The following DNAI3 variants were observed in gnomAD, a reference collection of about 807,000 sequenced individuals.
DNAI3 encodes WD repeat domain 63.
In DNAI3, 83 loss-of-function variants were observed where a neutral mutation model predicts 115.5. The observed-to-expected ratio is 0.72, with a 90% CI of 0.60 to 0.86. DNAI3 has a LOEUF of 0.86. DNAI3 is among the 40% of genes least tolerant of loss of function. The pLI, the probability that DNAI3 is intolerant of heterozygous loss-of-function variation, is 0.00. For missense variants in DNAI3, 1,004 were observed against 1,075.8 expected, an observed-to-expected ratio of 0.93 and a Z score of 0.93; for synonymous variants, 320 against 347.0, an observed-to-expected ratio of 0.92 and a Z score of 0.86.
At position 85,087,284 on chromosome 1, in the gene DNAI3, A is replaced by G. The variant is rs1654825306; in HGVS notation, c.740+1254A>G. On this transcript the variant is annotated intron_variant, in intron 7 of 22. Transcript: ENST00000294664. Reference sequence around the variant, plus strand: ...AACCCCGTCTTTACTAAAAATACGCAAATTAGCCAGGCGTGGTGACGTGTG... The same window carrying G: ...AACCCCGTCTTTACTAAAAATACGCGAATTAGCCAGGCGTGGTGACGTGTG... 2.0e-5 allele frequency among the ~76,000 whole-genome samples: 3 copies of G among 151,946 alleles called. No homozygotes were observed. The South Asian group carries it at 6.3e-4, about 32-fold the overall frequency.
chr1:85,074,796 A>G (rs928095693), intron 3 of DNAI3, among the ~76,000 whole-genome samples: 1 of 152,064 alleles, frequency 6.6e-6, no homozygotes, highest in Non-Finnish European at 1.5e-5. Flanking sequence ...TCAATACATA[A>G]CCTTGTTTTA....
chr1:85,100,729 T>G (rs1284469036), intron 13 of DNAI3, among the ~76,000 whole-genome samples: 1 of 152,102 alleles, frequency 6.6e-6, no homozygotes, highest in Non-Finnish European at 1.5e-5. Context: ...AACTCAAATG[T>G]CCAACAATGA....
chr1:85,068,981 G>A (rs939332949), intron 1 of DNAI3, among the ~76,000 whole-genome samples: 6 of 152,148 alleles, frequency 3.9e-5, no homozygotes, highest in East Asian at 1.9e-4. Context: ...CCTGGATCCC[G>A]GAATAAGAAG....
intron 9 of DNAI3, 158 bp downstream of exon 9, chr1:85,093,806 T>C (rs1355104910): frequency 1.2e-6 from 1 of 819,306 alleles, no homozygotes; most frequent in South Asian, 1.4e-5. Context: ...GCCCTCACTG[T>C]CATGTGTCCT....
rs5775826 is a variant in DNAI3, at chr1:85,132,844, TCC to T, written c.2533-4_2533-3del. On this transcript the variant is annotated splice_polypyrimidine_tract_variant and intron_variant, in intron 22 of 22. Transcript: ENST00000294664. ...TTTTATAGGGATGTCTTGTTTTTCTTCCCCCCCCAGAAAACATATCAGAAGTC... is the reference window on the plus strand; with the variant it reads ...TTTTATAGGGATGTCTTGTTTTTCTTCCCCCCAGAAAACATATCAGAAGTC... 3.1e-6 allele frequency: 5 copies of T among 1,609,346 alleles called. No individual in the cohort carries two copies. The highest frequency in any genetic ancestry group is 2.2e-5 in the South Asian group (2 of 90,106).
chr1:85,072,594 A>G (rs1654309877), intron 2 of DNAI3, among the ~76,000 whole-genome samples: 1 of 150,020 alleles, frequency 6.7e-6, no homozygotes. Flanking sequence ...ATGAGCAGAG[A>G]TCGCGCCACT....
chr1:85,113,929 A>G (rs1471676243), intron 16 of DNAI3, among the ~76,000 whole-genome samples: 2 of 151,606 alleles, frequency 1.3e-5, no homozygotes, highest in Non-Finnish European at 2.9e-5. Flanking sequence ...TATATTCTTC[A>G]TATTTTTTGG....
At chr1:85,067,535 C>A (rs1053593738) in intron 1 of DNAI3, among the ~76,000 whole-genome samples, 9 of 152,172 alleles carry the variant, frequency 5.9e-5, no homozygotes, top group African/African-American at 2.2e-4. Flanking sequence ...TACCTGTATT[C>A]AAGTTTAATT....
chr1:85,131,455 A>T (rs546668196), intron 22 of DNAI3, among the ~76,000 whole-genome samples: 1 of 147,622 alleles, frequency 6.8e-6, no homozygotes, highest in Non-Finnish European at 1.5e-5. Flanking sequence ...AAAAAAAAAA[A>T]AAAAAAAATA....
At chr1:85,108,001 C>G (rs1356103194) in intron 14 of DNAI3, 32 bp from the exon 15 acceptor site, 1 of 1,436,840 alleles carries the variant, frequency 7.0e-7, no homozygotes, top group Non-Finnish European at 9.2e-7. Context: ...CTTGTTTGTA[C>G]TTAATAAAAA....
At chr1:85,101,747 A>T (rs1322344038) in intron 13 of DNAI3, among the ~76,000 whole-genome samples, 4 of 149,636 alleles carry the variant, frequency 2.7e-5, no homozygotes, top group African/African-American at 4.9e-5. Context: ...AAAAAAAAAA[A>T]AAAAAGGAAA....
At chr1:85,118,825 G>T (rs943722057) in intron 17 of DNAI3, among the ~76,000 whole-genome samples, 2 of 151,990 alleles carry the variant, frequency 1.3e-5, no homozygotes, top group African/African-American at 2.4e-5. Flanking sequence ...CCCACAGGCT[G>T]CTTGGATGTT....
At chr1:85,062,930 G>A (rs190731431) in intron 1 of DNAI3, among the ~76,000 whole-genome samples, 41 of 152,344 alleles carry the variant, frequency 2.7e-4, no homozygotes, top group African/African-American at 9.4e-4. Context: ...CTTCAGGACT[G>A]TTTAGAAAGG....
intron 14 of DNAI3, among the ~76,000 whole-genome samples, chr1:85,105,528 C>CAAAAAAAAAAAAAAA (rs755945527): frequency 1.9e-5 from 1 of 51,702 alleles, no homozygotes; most frequent in Admixed American, 2.0e-4. Flanking sequence ...AACTCTGTCT[C>CAAAAAAAAAAAAAAA]AAAAAAAAAA....
intron 21 of DNAI3, among the ~76,000 whole-genome samples, 176 bp from the exon 22 acceptor site, chr1:85,129,814 A>G (rs537516812): frequency 6.6e-6 from 1 of 152,286 alleles, no homozygotes; most frequent in East Asian, 1.9e-4. Flanking sequence ...ATCACAAAAT[A>G]GATAATCTAC....
intron 15 of DNAI3, among the ~76,000 whole-genome samples, chr1:85,109,628 C>A (rs898267348): frequency 1.3e-5 from 2 of 152,156 alleles, no homozygotes; most frequent in African/African-American, 2.4e-5. Context: ...TGCATGTGTT[C>A]CTGAGAGGAC....
intron 9 of DNAI3, 124 bp from the exon 10 acceptor site, chr1:85,094,307 A>G (rs1437215096): frequency 2.7e-5 from 36 of 1,326,044 alleles, no homozygotes; most frequent in Admixed American, 6.4e-5. Context: ...GAGCTCTAAG[A>G]AAACTCTTGC....
At chr1:85,111,677 A>G (rs1185053860) in intron 16 of DNAI3, among the ~76,000 whole-genome samples, 1 of 152,202 alleles carries the variant, frequency 6.6e-6, no homozygotes, top group Non-Finnish European at 1.5e-5. Context: ...TTTTTAACCT[A>G]ATGAAAACAG....
chr1:85,093,686 C>T (rs761761368), intron 9 of DNAI3, 38 bp downstream of exon 9: 10 of 1,611,160 alleles, frequency 6.2e-6, no homozygotes, highest in Non-Finnish European at 8.5e-6. Flanking sequence ...TTTGTGATAA[C>T]ATTGAAATTG....
Sources: gnomAD v4.1 joint callset for allele counts (sites outside exome capture counted in the v4.1 genomes callset) on GRCh38, gnomAD v4.1.1 for gene constraint, MANE v1.5 for transcripts, NCBI Gene and HGNC (gene_info 2026-07-23, HGNC 2026-07-21) for gene names.